MAN2B2: variants seen among roughly 807,000 people sequenced by gnomAD.
MAN2B2 encodes the protein epididymis-specific alpha-mannosidase.
A neutral mutation model predicts 117.1 loss-of-function variants in MAN2B2; 106 were observed. That is an observed-to-expected ratio of 0.90 (90% CI 0.77 to 1.06). The LOEUF (loss-of-function observed/expected upper bound fraction) is 1.06, where lower values mean the gene tolerates loss of function less well. Ranked by LOEUF, MAN2B2 falls within the 50% of genes least tolerant of loss-of-function variation. MAN2B2 has a pLI of 0.00. For synonymous variants in MAN2B2, 544 were observed against 595.1 expected, an observed-to-expected ratio of 0.91 and a Z score of 1.25; for missense variants, 1,326 against 1,381.4, an observed-to-expected ratio of 0.96 and a Z score of 0.64.
At chr4:6,620,297 C>T (rs1014929577) in intron 18 of MAN2B2, 2 of 387,430 alleles carry the variant, frequency 5.2e-6, no homozygotes, top group East Asian at 5.2e-5. Context: ...GCAGACCACA[C>T]GCCCTGCCTG....
At chr4:6,603,195 C>A (rs1210744797) in intron 10 of MAN2B2, among the ~76,000 whole-genome samples, 1 of 152,214 alleles carries the variant, frequency 6.6e-6, no homozygotes, top group Non-Finnish European at 1.5e-5. Flanking sequence ...GTCCACACCA[C>A]CCAGACACCC....
intron 3 of MAN2B2, among the ~76,000 whole-genome samples, chr4:6,579,151 C>T (rs868008312): frequency 0.018 from 1,694 of 92,980 alleles, 97 homozygotes; most frequent in Non-Finnish European, 0.03. Context: ...TCACCACCAC[C>T]ATCACCATCA....
chr4:6,577,489 G>A (rs929001669), intron 2 of MAN2B2, among the ~76,000 whole-genome samples: 5 of 152,310 alleles, frequency 3.3e-5, no homozygotes, highest in African/African-American at 9.6e-5. Context: ...ACCAGGCCCC[G>A]CCAGAGTCAC....
chr4:6,611,298 G>A lies in MAN2B2; in HGVS notation c.2563+20G>A. On this transcript the variant is annotated intron_variant, in intron 15 of 18. Coordinates refer to ENST00000285599, the MANE Select transcript of MAN2B2 (RefSeq NM_015274.3). ...TCGCTGGTAAAGGGGCACCCTTTCA[G>A]AGTAACATCATCACTGCCTCAGCAC... 1.3e-6 allele frequency: 2 copies of A among 1,577,488 alleles called. No individual in the cohort carries two copies. The highest frequency in any genetic ancestry group is 2.2e-5 in the East Asian group (1 of 44,550).
chr4:6,594,640 A>G lies in MAN2B2; in HGVS notation c.965A>G (p.Tyr322Cys). 1.2e-6 allele frequency: 2 copies of G among 1,613,662 alleles called. No homozygotes were observed. The highest frequency in any genetic ancestry group is 1.7e-6 in the Non-Finnish European group (2 of 1,180,024). Residue 322 changes from tyrosine to cysteine, a missense_variant, in exon 7 of 19, where the codon TAT becomes TGT. By Grantham distance (194) the Tyr-to-Cys change is radical. Coordinates refer to ENST00000285599, the MANE Select transcript of MAN2B2 (RefSeq NM_015274.3). Reference sequence around the variant, plus strand: ...GCCGAGCTCGGTGTCTCGGTGCAGTATGCCACGCTGGGCGACTACTTCCGT... The same window carrying G: ...GCCGAGCTCGGTGTCTCGGTGCAGTGTGCCACGCTGGGCGACTACTTCCGT... Reference protein sequence around the residue: ...HAAELGVSVQYATLGDYFRAL... With the variant: ...HAAELGVSVQCATLGDYFRAL...
At chr4:6,587,799 G>A (rs1357731425) in intron 4 of MAN2B2, among the ~76,000 whole-genome samples, 1 of 137,478 alleles carries the variant, frequency 7.3e-6, no homozygotes, top group East Asian at 2.3e-4. Context: ...CTGTCACCCA[G>A]GCTGGAATGC....
At chr4:6,576,428 C>T (rs1726061941) in intron 1 of MAN2B2, 150 bp from the exon 2 acceptor site, 12 of 860,148 alleles carry the variant, frequency 1.4e-5, no homozygotes, top group South Asian at 6.5e-5. Flanking sequence ...TGGTATGGAG[C>T]GAGTGCCTAA....
At chr4:6,620,902 A>G (rs1330852787) in intron 18 of MAN2B2, 3 of 407,550 alleles carry the variant, frequency 7.4e-6, no homozygotes, top group Non-Finnish European at 8.9e-6. Flanking sequence ...GGCCAGGACC[A>G]ACCTATGAAT....
At chr4:6,609,076 G>C in intron 11 of MAN2B2, 31 bp from the exon 12 acceptor site, 1 of 1,593,954 alleles carries the variant, frequency 6.3e-7, no homozygotes, top group East Asian at 2.2e-5. Context: ...TGCAGGATGA[G>C]AATGACATCT....
chr4:6,601,359 G>A (rs1291532442), intron 10 of MAN2B2, among the ~76,000 whole-genome samples: 1 of 152,186 alleles, frequency 6.6e-6, no homozygotes, highest in Non-Finnish European at 1.5e-5. Flanking sequence ...ACAAAAATTA[G>A]CCAGGCGTGG....
In MAN2B2 at chr4:6,598,310, T is replaced by C. The variant is rs752210299; in HGVS notation, c.1361T>C (p.Val454Ala). Residue 454 changes from valine (V) to alanine (A), a missense_variant, in exon 9 of 19, where the codon GTC (valine) becomes GCC (alanine). Physicochemically the swap from Val to Ala is moderately conservative, Grantham distance 64 (BLOSUM62 0). Transcript: ENST00000285599. Reference protein sequence around the residue: ...LGMRKLMASIVLDELQPQAPM... With the variant: ...LGMRKLMASIALDELQPQAPM... Reference sequence around the variant, plus strand: ...ATGCGCAAGCTGATGGCCTCCATCGTCCTAGATGAGCTCCAGCCCCAGGCA... The same window carrying C: ...ATGCGCAAGCTGATGGCCTCCATCGCCCTAGATGAGCTCCAGCCCCAGGCA... The C allele has an allele frequency of 6.2e-7, 1 of 1,613,490 alleles. No homozygotes were observed. The highest frequency in any genetic ancestry group is 8.5e-7 in the Non-Finnish European group (1 of 1,179,994).
chr4:6,597,009 G>A, intron 7 of MAN2B2, 104 bp from the exon 8 acceptor site: 1 of 1,187,426 alleles, frequency 8.4e-7, no homozygotes, highest in Non-Finnish European at 1.2e-6. Flanking sequence ...GACCCTGGCA[G>A]AGGCTGCCTC....
chr4:6,579,379 CCACTACCCTTCACCAT>C (rs1577270432), intron 3 of MAN2B2, among the ~76,000 whole-genome samples: 2 of 50,894 alleles, frequency 3.9e-5, no homozygotes, highest in African/African-American at 6.7e-5. Context: ...ACCACCACCA[CCACTACCCTTCACCAT>C]CACCACCACC....
rs80066233 is a variant in MAN2B2, at chr4:6,576,887, C to T, written c.285+163C>T. Among the ~76,000 whole-genome samples the T allele has an allele frequency of 7.6e-3, 1,161 of 152,326 alleles. 17 individuals are homozygous for T. Among genetic ancestry groups the T allele is most frequent in the African/African-American group, 0.026 (1,084 of 41,574 alleles). ...ACAGCCTTGTTTAGATCAAGGTTCA[C>T]GGTGAGTTCCATGCCTGGGAGAGAT... is the stretch of plus-strand genomic sequence containing the variant. On this transcript the variant is annotated intron_variant, in intron 2 of 18. Coordinates refer to ENST00000285599, the MANE Select transcript of MAN2B2 (RefSeq NM_015274.3).
intron 10 of MAN2B2, among the ~76,000 whole-genome samples, chr4:6,604,779 C>G (rs1400134175): frequency 6.6e-6 from 1 of 151,956 alleles, no homozygotes; most frequent in Admixed American, 6.5e-5. Context: ...ATTAAAGGAG[C>G]TGGGGGTGTT....
At position 6,594,788 on chromosome 4, in the gene MAN2B2, C is replaced by T. The variant is rs4234761; in HGVS notation, c.1057+56C>T. ...TTGGTGGCAGGGAGGGTATAGTCCACGTACCCTCTGCCCACTTCAGTGGCT... is the reference window on the plus strand; with the variant it reads ...TTGGTGGCAGGGAGGGTATAGTCCATGTACCCTCTGCCCACTTCAGTGGCT... On this transcript the variant is annotated intron_variant, in intron 7 of 18. Coordinates refer to ENST00000285599, the MANE Select transcript of MAN2B2 (RefSeq NM_015274.3). 1 allele frequency: 1,527,469 copies of T among 1,532,940 alleles called. 761,171 individuals carry two copies. Among genetic ancestry groups the T allele is most frequent in the East Asian group, 1 (41,234 of 41,234 alleles). 95.0% of individuals were successfully genotyped at this position (1,532,940 alleles called of 1,614,324 possible).
chr4:6,590,383 CTCAATCAA>C (rs759444261), intron 5 of MAN2B2, among the ~76,000 whole-genome samples: 1 of 152,100 alleles, frequency 6.6e-6, no homozygotes. Context: ...AAGACTCTGT[CTCAATCAA>C]TCAATCAATC....
At chr4:6,617,170 C>T (rs1711919454) in intron 16 of MAN2B2, among the ~76,000 whole-genome samples, 1 of 152,158 alleles carries the variant, frequency 6.6e-6, no homozygotes, top group African/African-American at 2.4e-5. Context: ...CCCCATGATT[C>T]AATTACCTCC....
In MAN2B2 at chr4:6,600,496, C is replaced by G. The variant is rs1002383894; in HGVS notation, c.1406-127C>G. ...TGTTGGCCTGCCCCCTTCCTGGCTC[C>G]CCTGGGAGTTCTGGAGGGCTGCATC... is the stretch of plus-strand genomic sequence containing the variant. On this transcript the variant is annotated intron_variant, in intron 9 of 18. Transcript: ENST00000285599. 9 of 1,121,564 alleles carry G rather than the reference C, an allele frequency of 8.0e-6. No homozygotes were observed. In the African/African-American group the frequency reaches 1.2e-4, roughly 15 times the overall value. 69.5% of individuals were successfully genotyped at this position (1,121,564 alleles called of 1,614,324 possible).
Sources: allele counts gnomAD v4.1 joint callset (sites outside exome capture counted in the v4.1 genomes callset), GRCh38; gene constraint gnomAD v4.1.1; transcripts MANE v1.5; gene names NCBI Gene and HGNC (gene_info 2026-07-23, HGNC 2026-07-21).